Variants in FGF1 observed in about 807,000 individuals in gnomAD.
FGF1 encodes the protein fibroblast growth factor 1.
Under a neutral mutation model 13.4 loss-of-function variants are expected in FGF1, and 9 were observed. That is an observed-to-expected ratio of 0.67 (90% CI 0.40 to 1.17). The LOEUF (loss-of-function observed/expected upper bound fraction) is 1.17. Among genes scored for constraint, FGF1 ranks in the 50% most tolerant of loss-of-function variants. The pLI, the probability that FGF1 is intolerant of heterozygous loss-of-function variation, is 0.01. For synonymous variants in FGF1, 93 were observed against 79.0 expected (o/e 1.18, Z -0.94); for missense variants, 156 against 192.7 (o/e 0.81, Z 1.13).
intron 1 of FGF1, among the ~76,000 whole-genome samples, chr5:142,670,104 T>A (rs1205286226): frequency 6.6e-6 from 1 of 152,228 alleles, no homozygotes; most frequent in East Asian, 1.9e-4. Context: ...ACACTGGCAC[T>A]GAGGTCATGC....
At chr5:142,627,004 T>C (rs994091109) in intron 1 of FGF1, 5 of 152,210 alleles carry the variant, frequency 3.3e-5, no homozygotes, top group East Asian at 1.9e-4. Flanking sequence ...TCTGATCTCA[T>C]CACGTTGCCA....
At chr5:142,669,672 G>A (rs1334593911) in intron 1 of FGF1, among the ~76,000 whole-genome samples, 1 of 152,216 alleles carries the variant, frequency 6.6e-6, no homozygotes, top group East Asian at 1.9e-4. Context: ...GCGTGTCGCG[G>A]CTGAGGTGAA....
chr5:142,643,970 C>T (rs1387713543), intron 1 of FGF1: 5 of 152,240 alleles, frequency 3.3e-5, no homozygotes, highest in Non-Finnish European at 7.3e-5. Flanking sequence ...TTCCCCCAAA[C>T]ATCTTTTCCA....
chr5:142,631,779 C>A (rs931481227), intron 1 of FGF1, among the ~76,000 whole-genome samples: 1 of 92,922 alleles, frequency 1.1e-5, no homozygotes, highest in Non-Finnish European at 2.0e-5. Context: ...TTTAAATTAG[C>A]TTTTTTTTTT....
chr5:142,606,304 A>G lies in FGF1; in HGVS notation c.170-5499T>C, dbSNP rs535587710. On this transcript the variant is annotated intron_variant, in intron 2 of 3. Coordinates refer to ENST00000337706, the MANE Select transcript of FGF1 (RefSeq NM_000800.5). The stretch of plus-strand genomic sequence containing the variant: ...AAGGTAGAATATAACATACAGTGAA[A>G]AAAACTAAATTGCAATGGGAGAATA... Among the ~76,000 whole-genome samples the G allele has an allele frequency of 1.3e-4, 19 of 151,916 alleles. No individual in the cohort carries two copies. In the East Asian group the frequency reaches 1.5e-3, roughly 12 times the overall value.
At chr5:142,694,261 C>A (rs1213612961) in intron 2 of FGF1, among the ~76,000 whole-genome samples, 1 of 151,950 alleles carries the variant, frequency 6.6e-6, no homozygotes, top group African/African-American at 2.4e-5. Flanking sequence ...GGCCTGGGAC[C>A]TTCTGTGCAA....
At chr5:142,659,083 G>T (rs1561689246) in intron 1 of FGF1, among the ~76,000 whole-genome samples, 1 of 152,072 alleles carries the variant, frequency 6.6e-6, no homozygotes. Context: ...TCTGAAATGA[G>T]CTCTCATTCA....
chr5:142,674,716 G>T (rs1259603496), intron 1 of FGF1, among the ~76,000 whole-genome samples: 1 of 152,162 alleles, frequency 6.6e-6, no homozygotes, highest in African/African-American at 2.4e-5. Flanking sequence ...CCTCTCTCTG[G>T]ATCTGCAGTG....
chr5:142,612,547 A>G (rs537072967), intron 2 of FGF1, among the ~76,000 whole-genome samples: 1 of 152,270 alleles, frequency 6.6e-6, no homozygotes, highest in Non-Finnish European at 1.5e-5. Context: ...GCCTGACACA[A>G]TGGACTACAA....
chr5:142,595,239 G>A lies in FGF1; in HGVS notation c.*51C>T, dbSNP rs1755002722. 2 of 1,532,376 alleles carry A rather than the reference G, an allele frequency of 1.3e-6. No homozygotes were observed. Among genetic ancestry groups the A allele is most frequent in the Non-Finnish European group, 8.9e-7 (1 of 1,122,350 alleles). 94.9% of individuals were successfully genotyped at this position (1,532,376 alleles called of 1,614,324 possible). ...GGGAACATTTTTGGGTCAACCAGGT[G>A]AGGACCCCTCGAAACTTCTCTGGAG... On this transcript the variant is annotated 3_prime_UTR_variant, in exon 4 of 4. Coordinates refer to ENST00000337706, the MANE Select transcript of FGF1 (RefSeq NM_000800.5).
intron 1 of FGF1, chr5:142,680,184 G>A (rs887752284): frequency 2.0e-5 from 3 of 152,204 alleles, no homozygotes. Flanking sequence ...GGCAATAGGG[G>A]ATAGGGGGTG....
At chr5:142,612,546 A>G (rs1465376108) in intron 2 of FGF1, among the ~76,000 whole-genome samples, 1 of 152,150 alleles carries the variant, frequency 6.6e-6, no homozygotes, top group Non-Finnish European at 1.5e-5. Flanking sequence ...TGCCTGACAC[A>G]ATGGACTACA....
At chr5:142,617,055 G>T (rs1419603759) in intron 1 of FGF1, among the ~76,000 whole-genome samples, 1 of 151,776 alleles carries the variant, frequency 6.6e-6, no homozygotes, top group Non-Finnish European at 1.5e-5. Flanking sequence ...TGATTGTGGG[G>T]CAATTTCATT....
chr5:142,609,249 C>G (rs905761870), intron 2 of FGF1, among the ~76,000 whole-genome samples: 1 of 152,160 alleles, frequency 6.6e-6, no homozygotes, highest in African/African-American at 2.4e-5. Flanking sequence ...TTGGCACGCA[C>G]TTTGCTTAAG....
intron 1 of FGF1, among the ~76,000 whole-genome samples, chr5:142,633,144 C>T (rs1443805111): frequency 6.6e-6 from 1 of 152,140 alleles, no homozygotes; most frequent in African/African-American, 2.4e-5. Context: ...AGGTCTCAAT[C>T]TCTTGACCTC....
At chr5:142,646,631 G>A (rs112346647) in intron 1 of FGF1, among the ~76,000 whole-genome samples, 2 of 152,094 alleles carry the variant, frequency 1.3e-5, no homozygotes, top group South Asian at 2.1e-4. Flanking sequence ...GATTACAGGC[G>A]TGAGCCACTG....
intron 2 of FGF1, among the ~76,000 whole-genome samples, chr5:142,604,488 A>C (rs1302875913): frequency 6.6e-6 from 1 of 152,174 alleles, no homozygotes; most frequent in African/African-American, 2.4e-5. Flanking sequence ...GCTCCAGAAC[A>C]CAACTGCATG....
At chr5:142,635,740 G>A (rs141263736) in intron 1 of FGF1, among the ~76,000 whole-genome samples, 2 of 152,298 alleles carry the variant, frequency 1.3e-5, no homozygotes, top group Admixed American at 6.5e-5. Context: ...GGGCTGAGTC[G>A]GGGCTGGCAC....
Position 142,643,682 on chromosome 5 carries a change from C to A in FGF1, c.-34-29521G>T, listed in dbSNP as rs190047268. 2.6e-5 allele frequency among the ~76,000 whole-genome samples: 4 copies of A among 152,278 alleles called. No homozygotes were observed. The East Asian group carries it at 7.7e-4, about 29-fold the overall frequency. On this transcript the variant is annotated intron_variant, in intron 1 of 3. Coordinates refer to ENST00000337706, the MANE Select transcript of FGF1 (RefSeq NM_000800.5). ...ACCGCTAAGGAATCAGGCTTCCTTC[C>A]GATCGCTTATTATGCACAGAACATT...
Sources: gnomAD v4.1 joint callset for allele counts (sites outside exome capture counted in the v4.1 genomes callset) on GRCh38, gnomAD v4.1.1 for gene constraint, MANE v1.5 for transcripts, NCBI Gene and HGNC (gene_info 2026-07-23, HGNC 2026-07-21) for gene names.